MEI4: variants seen among roughly 807,000 people sequenced by gnomAD.
MEI4 encodes the protein meiosis-specific protein MEI4.
MEI4 carries 27 observed loss-of-function variants against 31.4 expected under a neutral mutation model. That is an observed-to-expected ratio of 0.86 (90% CI 0.63 to 1.19). MEI4 has a LOEUF of 1.19. Ranked by LOEUF, MEI4 falls within the 50% of genes most tolerant of loss-of-function variation. The probability of loss-of-function intolerance (pLI) is 0.00; values close to 1 mark genes in which losing one functional copy is unlikely to be tolerated. For missense variants in MEI4, 329 were observed against 398.9 expected (o/e 0.82, Z 1.49); for synonymous variants, 122 against 145.4 (o/e 0.84, Z 1.16).
chr6:77,841,480 C>T (rs1034241641), intron 4 of MEI4, among the ~76,000 whole-genome samples: 2 of 150,384 alleles, frequency 1.3e-5, no homozygotes, highest in Non-Finnish European at 3.0e-5. Flanking sequence ...GCTGGGAATA[C>T]AAGAGTGTGC....
chr6:77,910,091 A>G, intron 4 of MEI4, among the ~76,000 whole-genome samples: 1 of 152,184 alleles, frequency 6.6e-6, no homozygotes, highest in East Asian at 1.9e-4. Flanking sequence ...ACAAACCCAC[A>G]GCCAGTATCA....
At chr6:77,749,856 G>T (rs1425976693) in intron 2 of MEI4, among the ~76,000 whole-genome samples, 1 of 152,152 alleles carries the variant, frequency 6.6e-6, no homozygotes, top group African/African-American at 2.4e-5. Flanking sequence ...AAAATGTTAA[G>T]GGCAGCCTGA....
chr6:77,655,526 G>T (rs1180182736), intron 1 of MEI4, among the ~76,000 whole-genome samples: 2 of 152,122 alleles, frequency 1.3e-5, no homozygotes, highest in African/African-American at 2.4e-5. Context: ...ATGAAGAGTT[G>T]TCTTGGATGC....
At chr6:77,889,551 T>A (rs1771706985) in intron 4 of MEI4, among the ~76,000 whole-genome samples, 1 of 152,158 alleles carries the variant, frequency 6.6e-6, no homozygotes, top group Non-Finnish European at 1.5e-5. Context: ...TTTAGAAAAT[T>A]TGCAGCCTGA....
At chr6:77,883,738 A>ATC (rs1241228233) in intron 4 of MEI4, among the ~76,000 whole-genome samples, 2 of 141,444 alleles carry the variant, frequency 1.4e-5, no homozygotes, top group African/African-American at 5.4e-5. Flanking sequence ...ATATATATAT[A>ATC]TATATAACTT....
chr6:77,729,438 G>A (rs1232268794), intron 2 of MEI4, among the ~76,000 whole-genome samples: 1 of 152,238 alleles, frequency 6.6e-6, no homozygotes, highest in Non-Finnish European at 1.5e-5. Flanking sequence ...TTTACACCCA[G>A]TGATTCTGAT....
intron 4 of MEI4, among the ~76,000 whole-genome samples, chr6:77,848,281 T>C (rs1770535108): frequency 6.6e-6 from 1 of 152,036 alleles, no homozygotes; most frequent in Admixed American, 6.6e-5. Flanking sequence ...TAGTTGTTAG[T>C]GTAGAGTAGG....
chr6:77,779,530 A>T (rs938974172), intron 3 of MEI4, among the ~76,000 whole-genome samples: 1 of 152,236 alleles, frequency 6.6e-6, no homozygotes, highest in Non-Finnish European at 1.5e-5. Flanking sequence ...ATAATAATTT[A>T]AAATTACATG....
chr6:77,719,508 T>G (rs1766668121), intron 2 of MEI4, among the ~76,000 whole-genome samples: 1 of 59,386 alleles, frequency 1.7e-5, no homozygotes, highest in Non-Finnish European at 3.1e-5. Flanking sequence ...TTTATCATCA[T>G]CCCTTCTTCC....
chr6:77,664,162 C>G (rs568358129), intron 1 of MEI4, among the ~76,000 whole-genome samples: 1 of 152,096 alleles, frequency 6.6e-6, no homozygotes, highest in Non-Finnish European at 1.5e-5. Context: ...TTATTGTACA[C>G]CTTGAAGGCG....
intron 3 of MEI4, among the ~76,000 whole-genome samples, chr6:77,796,848 CT>C (rs1400216336): frequency 6.6e-5 from 10 of 152,130 alleles, no homozygotes. Context: ...GCTAAAATTC[CT>C]GTGGAACCTC....
intron 3 of MEI4, among the ~76,000 whole-genome samples, chr6:77,816,783 T>G (rs958129404): frequency 6.6e-6 from 1 of 152,234 alleles, no homozygotes; most frequent in Non-Finnish European, 1.5e-5. Flanking sequence ...TTACTACTTT[T>G]GCTTTTTAAA....
At chr6:77,908,485 C>G (rs910072504) in intron 4 of MEI4, among the ~76,000 whole-genome samples, 9 of 152,060 alleles carry the variant, frequency 5.9e-5, no homozygotes, top group Non-Finnish European at 1.0e-4. Context: ...TCTGAGGGCT[C>G]TGTTCTGTTC....
Position 77,878,950 on chromosome 6 carries a change from G to T in MEI4, c.901-44139G>T, listed in dbSNP as rs149697317. 4.8e-3 allele frequency among the ~76,000 whole-genome samples: 731 copies of T among 152,126 alleles called. 3 individuals carry two copies. The highest frequency in any genetic ancestry group is 0.017 in the African/African-American group (700 of 41,526). ...TGGAAAGCATTTGAAATTTCATGAG[G>T]TTTGCATACTCAGTGACCTAAACTA... On this transcript the variant is annotated intron_variant, in intron 4 of 4. Transcript: ENST00000684080.
intron 4 of MEI4, among the ~76,000 whole-genome samples, chr6:77,893,284 C>T (rs575467393): frequency 4.8e-4 from 73 of 152,306 alleles, no homozygotes; most frequent in African/African-American, 1.7e-3. Context: ...TGTGTATTAA[C>T]ATATGCATCC....
intron 2 of MEI4, among the ~76,000 whole-genome samples, chr6:77,738,827 T>G (rs1767321809): frequency 6.6e-6 from 1 of 152,232 alleles, no homozygotes; most frequent in African/African-American, 2.4e-5. Context: ...TGATTTGCAT[T>G]TCTCTAATGA....
At chr6:77,726,384 A>T (rs1766821497) in intron 2 of MEI4, among the ~76,000 whole-genome samples, 1 of 152,198 alleles carries the variant, frequency 6.6e-6, no homozygotes, top group African/African-American at 2.4e-5. Context: ...TATGTGGAAG[A>T]TCCAAACACC....
chr6:77,853,122 C>T (rs1013676366), intron 4 of MEI4, among the ~76,000 whole-genome samples: 3 of 152,062 alleles, frequency 2.0e-5, no homozygotes, highest in South Asian at 2.1e-4. Context: ...CGCTTCAACC[C>T]GCGAGGTGGA....
chr6:77,740,808 A>G (rs1767381028), intron 2 of MEI4, among the ~76,000 whole-genome samples: 1 of 151,820 alleles, frequency 6.6e-6, no homozygotes, highest in African/African-American at 2.4e-5. Context: ...GAACATATAT[A>G]TTTTGAAAAA....
Sources: gnomAD v4.1 joint callset for allele counts (sites outside exome capture counted in the v4.1 genomes callset) on GRCh38, gnomAD v4.1.1 for gene constraint, MANE v1.5 for transcripts, NCBI Gene and HGNC (gene_info 2026-07-23, HGNC 2026-07-21) for gene names.